The following TYW1B variants were observed in gnomAD, a reference collection of about 807,000 sequenced individuals.
TYW1B encodes the protein S-adenosyl-L-methionine-dependent tRNA 4-demethylwyosine synthase TYW1B.
In TYW1B, 73 loss-of-function variants were observed where a neutral mutation model predicts 86.9. The ratio of observed to expected loss-of-function variants is 0.84; its 90% CI spans 0.70 to 1.02. The LOEUF (loss-of-function observed/expected upper bound fraction) is 1.02, where lower values mean the gene tolerates loss of function less well. Ranked by LOEUF, TYW1B falls within the 50% of genes least tolerant of loss-of-function variation. TYW1B has a pLI of 0.00. For missense variants in TYW1B, 637 were observed against 827.4 expected, an observed-to-expected ratio of 0.77 and a Z score of 2.82; for synonymous variants, 248 against 292.8, an observed-to-expected ratio of 0.85 and a Z score of 1.56.
intron 12 of TYW1B, among the ~76,000 whole-genome samples, chr7:72,623,756 A>C (rs1435345323): frequency 5.3e-5 from 8 of 152,070 alleles, no homozygotes; most frequent in Non-Finnish European, 8.8e-5. Context: ...GCTAGTTCTT[A>C]TCAAATGTTT....
intron 9 of TYW1B, among the ~76,000 whole-genome samples, chr7:72,715,488 G>A (rs1157977893): frequency 6.6e-6 from 1 of 152,152 alleles, no homozygotes; most frequent in Non-Finnish European, 1.5e-5. Context: ...CAGTCTAACA[G>A]AGAATGTGAA....
chr7:72,788,341 C>G (rs1554472884), intron 6 of TYW1B, among the ~76,000 whole-genome samples: 1 of 152,136 alleles, frequency 6.6e-6, no homozygotes, highest in East Asian at 1.9e-4. Context: ...CTAAAAATGA[C>G]AAAGACCACA....
intron 11 of TYW1B, among the ~76,000 whole-genome samples, chr7:72,648,321 T>A (rs1812979870): frequency 6.6e-6 from 1 of 151,910 alleles, no homozygotes; most frequent in Non-Finnish European, 1.5e-5. Flanking sequence ...GGTGGGCAGA[T>A]CATCTGAGGT....
chr7:72,701,871 T>C (rs1814484465), intron 10 of TYW1B, among the ~76,000 whole-genome samples: 1 of 152,124 alleles, frequency 6.6e-6, no homozygotes, highest in Admixed American at 6.6e-5. Flanking sequence ...GTGTTTTTGT[T>C]AGGGAATGTT....
intron 4 of TYW1B, among the ~76,000 whole-genome samples, chr7:72,810,186 G>A (rs1213745270): frequency 6.6e-6 from 1 of 152,116 alleles, no homozygotes; most frequent in Non-Finnish European, 1.5e-5. Context: ...GTTGAGGCAG[G>A]AGAATCACTT....
At chr7:72,676,812 A>G (rs1325559139) in intron 11 of TYW1B, among the ~76,000 whole-genome samples, 2 of 152,132 alleles carry the variant, frequency 1.3e-5, no homozygotes, top group African/African-American at 4.8e-5. Flanking sequence ...ACAAAAAAAT[A>G]GCCAGTGTGG....
intron 11 of TYW1B, among the ~76,000 whole-genome samples, chr7:72,686,842 A>G (rs1474363335): frequency 6.6e-6 from 1 of 152,110 alleles, no homozygotes; most frequent in African/African-American, 2.4e-5. Flanking sequence ...CCTCTGCTCA[A>G]TTTTGTTTTG....
chr7:72,772,760 G>A (rs1554469888), intron 7 of TYW1B, among the ~76,000 whole-genome samples: 1 of 152,142 alleles, frequency 6.6e-6, no homozygotes, highest in Non-Finnish European at 1.5e-5. Flanking sequence ...GACTCTTGCA[G>A]GCAAATAAGG....
chr7:72,743,808 C>T (rs1349991899), intron 8 of TYW1B, among the ~76,000 whole-genome samples: 1 of 150,764 alleles, frequency 6.6e-6, no homozygotes, highest in Non-Finnish European at 1.5e-5. Flanking sequence ...GACGCCACTG[C>T]CCTCCACCCT....
intron 3 of TYW1B, among the ~76,000 whole-genome samples, chr7:72,812,051 CTGT>C (rs1554478439): frequency 1.3e-5 from 2 of 151,384 alleles, no homozygotes; most frequent in African/African-American, 4.8e-5. Context: ...CTAAACAGAA[CTGT>C]TGCAAATCCC....
chr7:72,727,807 G>A (rs531065017), intron 9 of TYW1B, among the ~76,000 whole-genome samples: 5 of 83,696 alleles, frequency 6.0e-5, no homozygotes, highest in South Asian at 5.1e-4. Context: ...AGTGAGATCC[G>A]GTCCAAAAAA....
chr7:72,767,874 G>A (rs1554468827), intron 7 of TYW1B, among the ~76,000 whole-genome samples: 1 of 152,078 alleles, frequency 6.6e-6, no homozygotes, highest in East Asian at 1.9e-4. Flanking sequence ...ATTGGCAGAG[G>A]TGGGATAAAT....
chr7:72,765,308 A>T (rs1787752015), intron 7 of TYW1B, among the ~76,000 whole-genome samples: 2 of 152,126 alleles, frequency 1.3e-5, no homozygotes, highest in African/African-American at 4.8e-5. Flanking sequence ...CTATAGAAAA[A>T]CTATAATATA....
At chr7:72,807,862 G>A (rs1399977388) in intron 4 of TYW1B, among the ~76,000 whole-genome samples, 2 of 152,138 alleles carry the variant, frequency 1.3e-5, no homozygotes, top group Non-Finnish European at 2.9e-5. Flanking sequence ...GCATAGTTAA[G>A]AGTTCAAAAA....
At chr7:72,767,967 G>C (rs1186204909) in intron 7 of TYW1B, among the ~76,000 whole-genome samples, 1 of 151,854 alleles carries the variant, frequency 6.6e-6, no homozygotes, top group African/African-American at 2.4e-5. Context: ...ACTACATATG[G>C]GGCCAGGCAC....
rs2844090 is a variant in TYW1B at position 72,722,901 on chromosome 7, A to G, written c.1192+5921T>C. 2.3e-3 allele frequency: 1,625 copies of G among 700,950 alleles called. 8 individuals are homozygous for G. The highest frequency in any genetic ancestry group is 0.013 in the African/African-American group (733 of 54,866). 43.4% of individuals were successfully genotyped at this position (700,950 alleles called of 1,614,324 possible). On this transcript the variant is annotated intron_variant, in intron 9 of 13. Coordinates refer to ENST00000620995, the MANE Select transcript of TYW1B (RefSeq NM_001145440.3). ...ATGAGCATTCCTGTCTCAAGGCCAC[A>G]CCTTCCACCTGCAGTGGAGTCTTCC... is the stretch of plus-strand genomic sequence containing the variant.
intron 11 of TYW1B, among the ~76,000 whole-genome samples, chr7:72,634,635 A>G (rs2844145): frequency 1.3e-5 from 2 of 151,780 alleles, no homozygotes; most frequent in Non-Finnish European, 2.9e-5. Context: ...ACTTTCACCC[A>G]CGTTGTATCA....
intron 5 of TYW1B, among the ~76,000 whole-genome samples, chr7:72,803,388 C>T (rs188381076): frequency 1.3e-5 from 2 of 152,034 alleles, no homozygotes; most frequent in Non-Finnish European, 2.9e-5. Flanking sequence ...GGAAATGTGA[C>T]ATCACTGGGA....
intron 7 of TYW1B, among the ~76,000 whole-genome samples, chr7:72,748,143 C>CT (rs2129571413): frequency 6.6e-6 from 1 of 152,168 alleles, no homozygotes; most frequent in South Asian, 2.1e-4. Flanking sequence ...GTGGCGGGCG[C>CT]CTGTAGTCCC....
Sources: gnomAD v4.1 joint callset for allele counts (sites outside exome capture counted in the v4.1 genomes callset) on GRCh38, gnomAD v4.1.1 for gene constraint, MANE v1.5 for transcripts, NCBI Gene and HGNC (gene_info 2026-07-23, HGNC 2026-07-21) for gene names.